Variants in TIAM1 observed in about 807,000 individuals in gnomAD.
The protein encoded by TIAM1 is TIAM Rac1 associated GEF 1.
TIAM1 carries 65 observed loss-of-function variants against 163.5 expected under a neutral mutation model. The ratio of observed to expected loss-of-function variants is 0.40; its 90% CI spans 0.33 to 0.49. The LOEUF is 0.49. TIAM1 is among the 20% of genes least tolerant of loss of function. The pLI is 0.77. For synonymous variants in TIAM1, 833 were observed against 810.1 expected (o/e 1.03, Z -0.48); for missense variants, 1,789 against 2,044.7 (o/e 0.87, Z 2.41).
chr21:31,254,964 G>A (rs181411665), intron 4 of TIAM1, among the ~76,000 whole-genome samples: 46 of 152,216 alleles, frequency 3.0e-4, no homozygotes, highest in Non-Finnish European at 2.9e-5. Flanking sequence ...TTTACAGAAG[G>A]CCCTCACATC....
chr21:31,501,215 C>A (rs948063888), intron 1 of TIAM1, among the ~76,000 whole-genome samples: 1 of 152,154 alleles, frequency 6.6e-6, no homozygotes, highest in Non-Finnish European at 1.5e-5. Context: ...ACCACACATT[C>A]CATTACTGCA....
chr21:31,241,612 G>T (rs184562438), intron 6 of TIAM1, among the ~76,000 whole-genome samples: 1 of 152,102 alleles, frequency 6.6e-6, no homozygotes, highest in African/African-American at 2.4e-5. Flanking sequence ...AATCCTGGAG[G>T]ATGGGAGGTG....
chr21:31,287,298 T>G (rs976883229), intron 2 of TIAM1, among the ~76,000 whole-genome samples: 8 of 152,212 alleles, frequency 5.3e-5, no homozygotes, highest in African/African-American at 1.9e-4. Flanking sequence ...AGACAGAGTA[T>G]CTATGTAGAA....
chr21:31,310,416 C>A (rs543787437), intron 2 of TIAM1, among the ~76,000 whole-genome samples: 2 of 152,262 alleles, frequency 1.3e-5, no homozygotes, highest in South Asian at 2.1e-4. Flanking sequence ...GTAAGTAAAC[C>A]TATAAATCCA....
At chr21:31,354,346 G>C (rs905716683) in intron 2 of TIAM1, among the ~76,000 whole-genome samples, 2 of 152,130 alleles carry the variant, frequency 1.3e-5, no homozygotes, top group Non-Finnish European at 2.9e-5. Context: ...AAAGGTGAGT[G>C]AACAAGGTAT....
intron 1 of TIAM1, among the ~76,000 whole-genome samples, chr21:31,535,596 G>A (rs142779154): frequency 1.3e-5 from 2 of 152,010 alleles, no homozygotes; most frequent in South Asian, 2.1e-4. Flanking sequence ...GGCTGCCCAC[G>A]TAAAGGGGAT....
chr21:31,222,678 T>TAC (rs2087633428), intron 8 of TIAM1, among the ~76,000 whole-genome samples: 4 of 38,444 alleles, frequency 1.0e-4, no homozygotes, highest in East Asian at 2.2e-3. Flanking sequence ...TACACATACA[T>TAC]ATATATATAT....
intron 8 of TIAM1, among the ~76,000 whole-genome samples, chr21:31,222,703 ATATATTTTTTTTTTTTTTTT>A (rs1248779142): frequency 4.6e-5 from 2 of 43,284 alleles, no homozygotes; most frequent in African/African-American, 2.3e-4. Flanking sequence ...ATATATATAT[ATATATTTTTTTTTTTTTTTT>A]TTTTTTTTTT....
rs542139037 is a variant in TIAM1 at position 31,126,892 on chromosome 21, C to A, written c.4133+173G>T. 8.5e-4 allele frequency among the ~76,000 whole-genome samples: 129 copies of A among 152,278 alleles called. 1 individual carries two copies. Among genetic ancestry groups the A allele is most frequent in the African/African-American group, 3.1e-3 (127 of 41,554 alleles). On this transcript the variant is annotated intron_variant, in intron 26 of 27. Transcript: ENST00000541036. ...ATGTGCTCCAAATGATCAGGAATCC[C>A]GATAACACCTTCACAAGCTGTCAGC...
chr21:31,251,668 T>A, intron 5 of TIAM1, 74 bp downstream of exon 5: 2 of 1,426,770 alleles, frequency 1.4e-6, no homozygotes, highest in Non-Finnish European at 1.9e-6. Flanking sequence ...AACCCACCCA[T>A]CCCGTGAGTA....
intron 13 of TIAM1, among the ~76,000 whole-genome samples, chr21:31,193,794 G>T (rs1435235182): frequency 6.6e-6 from 1 of 152,184 alleles, no homozygotes; most frequent in Non-Finnish European, 1.5e-5. Context: ...GTGAGTGCCG[G>T]CAGTGTGAAT....
intron 2 of TIAM1, among the ~76,000 whole-genome samples, chr21:31,280,861 C>T (rs1391055801): frequency 6.6e-6 from 1 of 151,646 alleles, no homozygotes; most frequent in Non-Finnish European, 1.5e-5. Flanking sequence ...ATGCCTGTAA[C>T]CATAGTGCTT....
At chr21:31,512,634 T>C (rs1410887255) in intron 1 of TIAM1, among the ~76,000 whole-genome samples, 3 of 144,542 alleles carry the variant, frequency 2.1e-5, no homozygotes, top group African/African-American at 7.4e-5. Flanking sequence ...TTTTTTTTTT[T>C]TGAGACAGGG....
chr21:31,304,410 T>C (rs2074617277), intron 2 of TIAM1, among the ~76,000 whole-genome samples: 1 of 152,086 alleles, frequency 6.6e-6, no homozygotes. Context: ...CAGTCTGAAG[T>C]TTTGAAATGC....
At chr21:31,376,117 C>A (rs1221372921) in intron 2 of TIAM1, among the ~76,000 whole-genome samples, 1 of 152,154 alleles carries the variant, frequency 6.6e-6, no homozygotes, top group African/African-American at 2.4e-5. Flanking sequence ...ATTTCGTAAA[C>A]GATACTGCCA....
intron 1 of TIAM1, among the ~76,000 whole-genome samples, chr21:31,465,786 G>A (rs1197954795): frequency 1.3e-5 from 2 of 152,152 alleles, no homozygotes; most frequent in Admixed American, 6.5e-5. Flanking sequence ...TAGCCTGGAT[G>A]GTCTCAATCT....
Position 31,210,713 on chromosome 21 carries a change from AAGAG to A in TIAM1, c.2218-502_2218-499del, listed in dbSNP as rs1228059632. On this transcript the variant is annotated intron_variant, in intron 10 of 27. Coordinates refer to ENST00000541036, the MANE Select transcript of TIAM1 (RefSeq NM_001353694.2). ...AGAAAGAAAGAAAGAAAGAGAAAGA[AAGAG>A]AAAGAAAGAAAGAGAAAGAAGGAAG... 3.3e-5 allele frequency among the ~76,000 whole-genome samples: 4 copies of A among 122,182 alleles called. 1 individual carries two copies. The highest frequency in any genetic ancestry group is 1.8e-4 in the African/African-American group (4 of 21,982). 80.2% of individuals were successfully genotyped at this position (122,182 alleles called of 152,430 possible).
intron 1 of TIAM1, among the ~76,000 whole-genome samples, chr21:31,543,941 TG>T (rs1270758849): frequency 6.6e-6 from 1 of 152,202 alleles, no homozygotes; most frequent in African/African-American, 2.4e-5. Flanking sequence ...CCCAGCACAG[TG>T]GCTCACGCCT....
chr21:31,531,096 G>A (rs975526871), intron 1 of TIAM1, among the ~76,000 whole-genome samples: 4 of 151,994 alleles, frequency 2.6e-5, no homozygotes, highest in African/African-American at 4.8e-5. Flanking sequence ...TTTTCCCAAC[G>A]TCCTCTCTGT....
Sources: allele counts gnomAD v4.1 joint callset (sites outside exome capture counted in the v4.1 genomes callset), GRCh38; gene constraint gnomAD v4.1.1; transcripts MANE v1.5; gene names NCBI Gene and HGNC (gene_info 2026-07-23, HGNC 2026-07-21).